MGAM2: variants seen among roughly 807,000 people sequenced by gnomAD.
MGAM2 encodes the protein maltase-glucoamylase 2 (putative).
Under a neutral mutation model 96.1 loss-of-function variants are expected in MGAM2, and 98 were observed. The ratio of observed to expected loss-of-function variants is 1.02; its 90% confidence interval spans 0.87 to 1.21. The LOEUF is 1.21. Ranked by LOEUF, MGAM2 falls within the 50% of genes most tolerant of loss-of-function variation. MGAM2 has a pLI of 0.00. For synonymous variants in MGAM2, 749 were observed against 414.8 expected, an observed-to-expected ratio of 1.81 and a Z score of -9.79; for missense variants, 2,055 against 1,182.4, an observed-to-expected ratio of 1.74 and a Z score of -10.82.
chr7:142,182,867 T>C (rs1796583083), intron 32 of MGAM2, among the ~76,000 whole-genome samples: 1 of 152,194 alleles, frequency 6.6e-6, no homozygotes, highest in African/African-American at 2.4e-5. Context: ...TTTTGGTTTT[T>C]CTCCATGGGA....
intron 7 of MGAM2, among the ~76,000 whole-genome samples, chr7:142,135,723 TACACACACACAC>T (rs144830276): frequency 1.4e-5 from 2 of 145,114 alleles, no homozygotes; most frequent in East Asian, 4.1e-4. Flanking sequence ...CACTTAGAGT[TACACACACACAC>T]ACACACACAC....
chr7:142,135,030 T>C (rs1258810024), intron 7 of MGAM2, among the ~76,000 whole-genome samples: 1 of 152,206 alleles, frequency 6.6e-6, no homozygotes, highest in Non-Finnish European at 1.5e-5. Context: ...GACAAAGCTT[T>C]GAGTCACATA....
At chr7:142,150,462 A>G (rs936438921) in intron 15 of MGAM2, among the ~76,000 whole-genome samples, 17 of 152,208 alleles carry the variant, frequency 1.1e-4, no homozygotes, top group African/African-American at 4.1e-4. Context: ...ACAAATCATT[A>G]CACTAGGCCC....
At chr7:142,136,706 T>A (rs970079708) in intron 8 of MGAM2, 66 bp downstream of exon 8, 11 of 610,532 alleles carry the variant, frequency 1.8e-5, no homozygotes, top group African/African-American at 1.5e-4. Flanking sequence ...TTATAAAAAA[T>A]TACTTTTATG....
chr7:142,119,597 G>A (rs745569144), intron 2 of MGAM2, among the ~76,000 whole-genome samples: 5 of 152,154 alleles, frequency 3.3e-5, no homozygotes, highest in Non-Finnish European at 7.3e-5. Context: ...AGAAACTTAC[G>A]CGAATGCTCA....
rs1585133761 is a variant in MGAM2, at chr7:142,114,203, A to G, written c.-1+2396A>G. ...GAAAGAAAGAAAGAAAGAAAGAAAG[A>G]AAGAAAGAAAGAGAGAAAGAAAGAA... is the stretch of plus-strand genomic sequence containing the variant. On this transcript the variant is annotated intron_variant, in intron 1 of 47. Transcript: ENST00000477922. 7.1e-5 allele frequency among the ~76,000 whole-genome samples: 7 copies of G among 98,508 alleles called. 2 individuals carry two copies. The highest frequency in any genetic ancestry group is 5.8e-5 in the Non-Finnish European group (3 of 52,048). 64.6% of individuals were successfully genotyped at this position (98,508 alleles called of 152,430 possible).
intron 26 of MGAM2, 54 bp downstream of exon 26, chr7:142,167,540 T>C: frequency 1.4e-6 from 1 of 700,132 alleles, no homozygotes; most frequent in East Asian, 2.7e-5. Context: ...TAATTTACAG[T>C]GCTGTATGGA....
chr7:142,119,937 A>C (rs762909398), intron 2 of MGAM2, among the ~76,000 whole-genome samples: 1 of 152,204 alleles, frequency 6.6e-6, no homozygotes, highest in Non-Finnish European at 1.5e-5. Flanking sequence ...AGTGTATGTT[A>C]TTTCTTTTTG....
chr7:142,134,480 G>T (rs1794996155), intron 7 of MGAM2, among the ~76,000 whole-genome samples: 1 of 152,116 alleles, frequency 6.6e-6, no homozygotes, highest in Non-Finnish European at 1.5e-5. Flanking sequence ...ACTGAGGAAA[G>T]GAAGGCTTCA....
chr7:142,200,423 TTAAG>T (rs1797184347), intron 45 of MGAM2, among the ~76,000 whole-genome samples: 1 of 152,238 alleles, frequency 6.6e-6, no homozygotes, highest in African/African-American at 2.4e-5. Flanking sequence ...AAATTGGGAA[TTAAG>T]TGTTGCCCAA....
At chr7:142,136,013 A>G (rs1273766485) in intron 7 of MGAM2, among the ~76,000 whole-genome samples, 1 of 152,174 alleles carries the variant, frequency 6.6e-6, no homozygotes, top group East Asian at 1.9e-4. Context: ...TAGGCCAAAA[A>G]ATTCATCTGT....
chr7:142,141,123 A>C lies in MGAM2; in HGVS notation c.1317+4A>C, dbSNP rs997123851. On this transcript the variant is annotated splice_donor_region_variant and intron_variant, in intron 12 of 47. Transcript: ENST00000477922. Reference sequence around the variant, plus strand: ...CAATGGCTTTGCTGTTGGGGAGGTAATTTCTTAAGAAAATCAAAGTAAATT... The same window carrying C: ...CAATGGCTTTGCTGTTGGGGAGGTACTTTCTTAAGAAAATCAAAGTAAATT... 7.2e-6 allele frequency: 5 copies of C among 694,720 alleles called. 1 individual carries two copies. The Admixed American group carries it at 1.0e-4, about 14-fold the overall frequency. 43.0% of individuals were successfully genotyped at this position (694,720 alleles called of 1,614,324 possible). A position where few individuals can be genotyped will look rare whatever the true frequency, so the allele number is the denominator to read the frequency against.
chr7:142,217,001 T>A (rs890403723), intron 46 of MGAM2, among the ~76,000 whole-genome samples: 1 of 152,198 alleles, frequency 6.6e-6, no homozygotes, highest in African/African-American at 2.4e-5. Flanking sequence ...TGTGTCCCTG[T>A]ACCCCTATTT....
rs984186921 is a variant in MGAM2 at position 142,208,401 on chromosome 7, T to C, written c.5138-172T>C. 7.6e-6 allele frequency: 5 copies of C among 655,708 alleles called. No individual in the cohort carries two copies. The African/African-American group carries it at 8.9e-5, about 12-fold the overall frequency. The allele number at this position is 655,708 out of a possible 1,614,324, so 40.6% of individuals were successfully genotyped here. On this transcript the variant is annotated intron_variant, in intron 45 of 47. Coordinates refer to ENST00000477922, the MANE Select transcript of MGAM2 (RefSeq NM_001293626.2). Reference sequence around the variant, plus strand: ...CATTTGCATTTGCACATCCCCACACTAACATGCAGTGAAATAGTCTCTTAG... The same window carrying C: ...CATTTGCATTTGCACATCCCCACACCAACATGCAGTGAAATAGTCTCTTAG...
intron 26 of MGAM2, among the ~76,000 whole-genome samples, chr7:142,168,275 T>C (rs560818314): frequency 2.0e-4 from 31 of 151,454 alleles, no homozygotes; most frequent in Non-Finnish European, 4.3e-4. Context: ...TTCTTTCTTT[T>C]TTTTTTTTTT....
intron 45 of MGAM2, among the ~76,000 whole-genome samples, chr7:142,203,104 T>A (rs114380168): frequency 0.01 from 1,566 of 152,346 alleles, 29 homozygotes; most frequent in African/African-American, 0.036. Flanking sequence ...TCTGTTCATG[T>A]CCTTTGGCTA....
At chr7:142,179,509 T>A (rs1026145371) in intron 32 of MGAM2, among the ~76,000 whole-genome samples, 12 of 152,324 alleles carry the variant, frequency 7.9e-5, no homozygotes, top group African/African-American at 2.9e-4. Context: ...GAGATAGCTC[T>A]TATTATTTTG....
intron 17 of MGAM2, among the ~76,000 whole-genome samples, chr7:142,157,319 T>C (rs1424345599): frequency 2.0e-5 from 3 of 151,624 alleles, no homozygotes; most frequent in Non-Finnish European, 2.9e-5. Flanking sequence ...TCCCACTTTA[T>C]CTCCATGGCA....
At chr7:142,158,714 A>G (rs967571882) in intron 19 of MGAM2, among the ~76,000 whole-genome samples, 1 of 152,108 alleles carries the variant, frequency 6.6e-6, no homozygotes, top group Admixed American at 6.6e-5. Context: ...TGTGGAGAAG[A>G]AAAGGGAGGG....
Sources: allele counts gnomAD v4.1 joint callset (sites outside exome capture counted in the v4.1 genomes callset), GRCh38; gene constraint gnomAD v4.1.1; transcripts MANE v1.5; gene names NCBI Gene and HGNC (gene_info 2026-07-23, HGNC 2026-07-21).